SCN1A: variants seen among roughly 807,000 people sequenced by gnomAD.
SCN1A encodes the protein sodium channel protein type 1 subunit alpha.
SCN1A carries 13 observed loss-of-function variants against 193.7 expected under a neutral mutation model. The observed-to-expected ratio is 0.07, with a 90% CI of 0.04 to 0.11. The LOEUF (loss-of-function observed/expected upper bound fraction) is 0.11. Ranked by LOEUF, SCN1A falls within the 10% of genes least tolerant of loss-of-function variation. The pLI, the probability that SCN1A is intolerant of heterozygous loss-of-function variation, is 1.00. For synonymous variants in SCN1A, 781 were observed against 843.6 expected (o/e 0.93, Z 1.29); for missense variants, 1,432 against 2,451.1 (o/e 0.58, Z 8.78).
chr2:165,995,334 C>T (rs16851344), intron 27 of SCN1A, among the ~76,000 whole-genome samples: 4,070 of 151,770 alleles, frequency 0.027, 188 homozygotes, highest in African/African-American at 0.093. Flanking sequence ...ATTACTGAAA[C>T]CTCTCAGATC....
chr2:166,044,540 T>A (rs62179377), intron 13 of SCN1A, among the ~76,000 whole-genome samples: 38,868 of 152,140 alleles, frequency 0.26, 5,795 homozygotes, highest in Non-Finnish European at 0.34. Flanking sequence ...TAAGGCATTG[T>A]ATTGTTGGAA....
rs1689745627 is a variant in SCN1A, at chr2:166,115,395, G to C, written c.-142+11529C>G. On this transcript the variant is annotated intron_variant, in intron 2 of 28. Coordinates refer to ENST00000674923, the MANE Select transcript of SCN1A (RefSeq NM_001165963.4). ...CAAACAAAAAAGAATACCTCAAAAT[G>C]ATAAAAGGAGAAGTAATCAAATTTC... is the stretch of plus-strand genomic sequence containing the variant. Among the ~76,000 whole-genome samples, 2 of 151,986 alleles carry C rather than the reference G, an allele frequency of 1.3e-5. 1 individual carries two copies. The highest frequency in any genetic ancestry group is 4.1e-4 in the South Asian group (2 of 4,820).
At chr2:166,141,881 A>G (rs1252365697) in intron 1 of SCN1A, among the ~76,000 whole-genome samples, 1 of 152,178 alleles carries the variant, frequency 6.6e-6, no homozygotes, top group Non-Finnish European at 1.5e-5. Context: ...GTAGGTATCA[A>G]TAGATTTCCC....
At chr2:166,090,913 T>C (rs185422546) in intron 2 of SCN1A, among the ~76,000 whole-genome samples, 166 of 152,352 alleles carry the variant, frequency 1.1e-3, no homozygotes, top group African/African-American at 3.9e-3. Context: ...CTAAGATTTG[T>C]TTTAAAATAA....
chr2:166,035,984 C>T (rs1696285026), intron 19 of SCN1A, 64 bp downstream of exon 19: 1 of 1,495,434 alleles, frequency 6.7e-7, no homozygotes, highest in Non-Finnish European at 9.2e-7. Context: ...TGAGGATCAT[C>T]TGTATGTGTG....
chr2:166,128,686 A>G (rs1377874954), upstream of SCN1A, among the ~76,000 whole-genome samples: 1 of 152,202 alleles, frequency 6.6e-6, no homozygotes, highest in Non-Finnish European at 1.5e-5. Context: ...CTATGGTTTT[A>G]CTATATTTTA....
At chr2:166,011,457 T>G (rs1480522548) in intron 22 of SCN1A, among the ~76,000 whole-genome samples, 1 of 151,088 alleles carries the variant, frequency 6.6e-6, no homozygotes, top group African/African-American at 2.4e-5. Context: ...AAAGGGCTGT[T>G]TGGGCTTGCC....
rs201079458 is a variant in SCN1A, at chr2:166,015,676, C to T, written c.3481G>A (p.Ala1161Thr). 2.2e-4 allele frequency: 355 copies of T among 1,612,696 alleles called. 3 individuals carry two copies. Among genetic ancestry groups the T allele is most frequent in the South Asian group, 1.8e-3 (165 of 91,060 alleles). Residue 1161 changes from alanine to threonine, a missense_variant, in exon 20 of 29, where the codon GCA (alanine) becomes ACA (threonine). By Grantham distance (58) the Ala-to-Thr change is moderately conservative (BLOSUM62 0). Transcript: ENST00000674923. ...ACTACGGGCTGTTCTTCTACAGGTG[C>T]GCCGATGTCCACAGTGCTACCTTCT... The part of the protein sequence containing the change: ...SSEGSTVDIG[A>T]PVEEQPVVEP...
intron 24 of SCN1A, among the ~76,000 whole-genome samples, chr2:166,002,158 A>C (rs1391626919): frequency 6.6e-6 from 1 of 151,642 alleles, no homozygotes; most frequent in Admixed American, 6.6e-5. Flanking sequence ...TTCTAATCAC[A>C]ATAAAAAATG....
At position 166,069,471 on chromosome 2, in the gene SCN1A, G is replaced by A. The variant is rs187680397; in HGVS notation, c.264+3887C>T. On this transcript the variant is annotated intron_variant, in intron 4 of 28. Coordinates refer to ENST00000674923, the MANE Select transcript of SCN1A (RefSeq NM_001165963.4). ...ACTGGGACAAAGAGGATAAAAATATGTGGGCATATGCCATTGGAAAATATA... is the reference window on the plus strand; with the variant it reads ...ACTGGGACAAAGAGGATAAAAATATATGGGCATATGCCATTGGAAAATATA... Among the ~76,000 whole-genome samples, 12 of 152,254 alleles carry A rather than the reference G, an allele frequency of 7.9e-5. No homozygotes were observed. In the East Asian group the frequency reaches 2.1e-3, roughly 27 times the overall value.
chr2:166,029,510 T>G (rs777920672), intron 19 of SCN1A, among the ~76,000 whole-genome samples: 1 of 152,174 alleles, frequency 6.6e-6, no homozygotes, highest in Non-Finnish European at 1.5e-5. Flanking sequence ...TTAGAGACTA[T>G]GTGCTTAGGT....
rs897309105 is a variant in SCN1A at position 166,089,176 on chromosome 2, C to T, written c.-141-11375G>A. 3.9e-5 allele frequency among the ~76,000 whole-genome samples: 6 copies of T among 151,962 alleles called. No homozygotes were observed. In the East Asian group the frequency reaches 5.8e-4, roughly 15 times the overall value. On this transcript the variant is annotated intron_variant, in intron 2 of 28. Transcript: ENST00000674923. ...ATCCCTCCCCTAGGCCCCCACCCCT[C>T]GATAGGCCCCAGTGTGTGATATTCC...
At chr2:166,048,799 CT>C (rs1307013001) in intron 10 of SCN1A, 86 bp downstream of exon 10, 1 of 903,948 alleles carries the variant, frequency 1.1e-6, no homozygotes, top group African/African-American at 1.6e-5. Flanking sequence ...TGGCTGTTAT[CT>C]TCAGTTTCTA....
At chr2:166,067,848 G>A (rs1049568218) in intron 4 of SCN1A, among the ~76,000 whole-genome samples, 1 of 152,036 alleles carries the variant, frequency 6.6e-6, no homozygotes, top group African/African-American at 2.4e-5. Context: ...ATATGACAGA[G>A]ACCATCCCAT....
At chr2:166,056,052 T>C (rs1220837773) in intron 6 of SCN1A, among the ~76,000 whole-genome samples, 1 of 152,122 alleles carries the variant, frequency 6.6e-6, no homozygotes, top group Non-Finnish European at 1.5e-5. Flanking sequence ...CTAACCCTTT[T>C]TGATTCTTGA....
At chr2:166,009,635 C>T in intron 23 of SCN1A, 84 bp downstream of exon 23, 1 of 1,351,790 alleles carries the variant, frequency 7.4e-7, no homozygotes. Flanking sequence ...ATTCCTTTTG[C>T]ATGCATAGAT....
chr2:166,088,613 A>G (rs982821220), intron 2 of SCN1A, among the ~76,000 whole-genome samples: 1 of 152,214 alleles, frequency 6.6e-6, no homozygotes, highest in Non-Finnish European at 1.5e-5. Flanking sequence ...CAGTCAGCTA[A>G]AGCCTATGCT....
chr2:166,003,060 A>G (rs1691158767), intron 23 of SCN1A, among the ~76,000 whole-genome samples: 1 of 92,058 alleles, frequency 1.1e-5, no homozygotes, highest in African/African-American at 5.9e-5. Context: ...TGCCAGATGA[A>G]GTCAGAATTG....
At chr2:166,026,743 G>T (rs1214868765) in intron 19 of SCN1A, among the ~76,000 whole-genome samples, 4 of 143,468 alleles carry the variant, frequency 2.8e-5, no homozygotes, top group East Asian at 4.1e-4. Flanking sequence ...GAGTGCAGTG[G>T]CGTGATCTCG....
Sources: gnomAD v4.1 joint callset for allele counts (sites outside exome capture counted in the v4.1 genomes callset) on GRCh38, gnomAD v4.1.1 for gene constraint, MANE v1.5 for transcripts, NCBI Gene and HGNC (gene_info 2026-07-23, HGNC 2026-07-21) for gene names.